ZC4H2: variants seen among roughly 807,000 people sequenced by gnomAD.
ZC4H2 encodes the protein zinc finger C4H2 domain-containing protein.
For missense variants in ZC4H2, 137 were observed against 173.9 expected, an observed-to-expected ratio of 0.79 and a Z score of 1.19; for synonymous variants, 84 against 66.3, an observed-to-expected ratio of 1.27 and a Z score of -1.30.
intron 4 of ZC4H2, chrX:64,918,159 T>C (rs971476343): frequency 2.3e-5 from 6 of 262,666 alleles, no homozygotes; most frequent in Non-Finnish European, 4.0e-5. Context: ...TTCGTCATTA[T>C]AATGAAGCAT....
chrX:64,992,327 G>T (rs183929499), intron 1 of ZC4H2, among the ~76,000 whole-genome samples: 318 of 111,324 alleles, frequency 2.9e-3, no homozygotes, highest in Admixed American at 5.0e-3. Context: ...GGCTCAGATT[G>T]AACATCCCTC....
chrX:64,981,944 T>C (rs988390342), intron 1 of ZC4H2, among the ~76,000 whole-genome samples: 3 of 111,205 alleles, frequency 2.7e-5, no homozygotes, highest in African/African-American at 9.8e-5. Context: ...TTGATGGCTT[T>C]ATGTCATTGA....
At chrX:64,955,653 G>A (rs980288579) in intron 1 of ZC4H2, among the ~76,000 whole-genome samples, 26 of 111,844 alleles carry the variant, frequency 2.3e-4, no homozygotes, top group African/African-American at 8.4e-4. Flanking sequence ...CAAGATCAAA[G>A]ATCAAGACTT....
chrX:65,002,535 G>A (rs759244217), intron 1 of ZC4H2, among the ~76,000 whole-genome samples: 13,179 of 109,603 alleles, frequency 0.12, 1,998 homozygotes, highest in African/African-American at 0.41. Flanking sequence ...CCCTCTGCCC[G>A]GCCGCCACCC....
chrX:65,007,604 C>A (rs753153695), intron 1 of ZC4H2, among the ~76,000 whole-genome samples: 3 of 111,862 alleles, frequency 2.7e-5, no homozygotes, highest in African/African-American at 6.5e-5. Context: ...GCCCTTCAAA[C>A]TTCTTGGAAG....
chrX:65,012,604 G>T (rs1158980980), intron 1 of ZC4H2, among the ~76,000 whole-genome samples: 1 of 112,174 alleles, frequency 8.9e-6, no homozygotes, highest in East Asian at 2.8e-4. Flanking sequence ...CTATCCGAGT[G>T]TGCTTAGCTA....
At chrX:64,920,456 T>C (rs769577692) in intron 2 of ZC4H2, among the ~76,000 whole-genome samples, 10 of 112,144 alleles carry the variant, frequency 8.9e-5, no homozygotes, top group Non-Finnish European at 1.5e-4. Flanking sequence ...GCTTAACTCA[T>C]GCAATCTTGG....
At chrX:64,923,600 C>A (rs1386109621) in intron 1 of ZC4H2, among the ~76,000 whole-genome samples, 1 of 110,309 alleles carries the variant, frequency 9.1e-6, no homozygotes, top group Non-Finnish European at 1.9e-5. Context: ...TGGCACAGAA[C>A]TACAGAAAGA....
chrX:64,933,698 T>G (rs1929858205), intron 1 of ZC4H2, among the ~76,000 whole-genome samples: 2 of 111,360 alleles, frequency 1.8e-5, no homozygotes, highest in Non-Finnish European at 3.8e-5. Context: ...TCTTGGTGTG[T>G]GGGCAAGTTC....
intron 1 of ZC4H2, among the ~76,000 whole-genome samples, chrX:65,032,978 T>C (rs1248695630): frequency 9.0e-6 from 1 of 111,402 alleles, no homozygotes; most frequent in African/African-American, 3.3e-5. Context: ...GATTTTGCCA[T>C]GTTGGCCAGG....
intron 1 of ZC4H2, among the ~76,000 whole-genome samples, chrX:64,962,348 C>G (rs146192765): frequency 9.0e-6 from 1 of 111,317 alleles, no homozygotes; most frequent in East Asian, 2.8e-4. Context: ...AAGCCTTTGA[C>G]AAAATTCAAC....
intron 1 of ZC4H2, among the ~76,000 whole-genome samples, chrX:65,009,894 T>C (rs1204780007): frequency 1.8e-5 from 2 of 112,122 alleles, no homozygotes; most frequent in Non-Finnish European, 3.8e-5. Flanking sequence ...GCCTAACTTG[T>C]TGTCTTGCAC....
intron 1 of ZC4H2, among the ~76,000 whole-genome samples, chrX:64,934,491 C>G (rs1167891812): frequency 1.8e-5 from 2 of 112,104 alleles, no homozygotes; most frequent in Admixed American, 1.9e-4. Context: ...CCTGTGGGGT[C>G]TGCAGCAATA....
rs150911222 is a variant in ZC4H2 at position 64,950,419 on chromosome X, C to T, written c.53+25906G>A. On this transcript the variant is annotated intron_variant, in intron 1 of 4. Coordinates refer to ENST00000374839, the MANE Select transcript of ZC4H2 (RefSeq NM_018684.4). ...GGATATCCTTTTTAACTTTCTGTCT[C>T]GTTGATCTGTCTCATGTTGACAGTG... Among the ~76,000 whole-genome samples the T allele has an allele frequency of 1.4e-4, 16 of 111,315 alleles. No individual in the cohort carries two copies. In the East Asian group the frequency reaches 4.5e-3, roughly 31 times the overall value.
intron 1 of ZC4H2, among the ~76,000 whole-genome samples, chrX:64,964,643 C>T (rs1448325131): frequency 9.0e-6 from 1 of 111,618 alleles, no homozygotes; most frequent in Admixed American, 9.5e-5. Flanking sequence ...CATCAGCAAA[C>T]TTGCACTACC....
intron 1 of ZC4H2, among the ~76,000 whole-genome samples, chrX:64,973,131 G>A (rs1931833622): frequency 9.0e-6 from 1 of 110,806 alleles, no homozygotes; most frequent in South Asian, 3.8e-4. Flanking sequence ...TGTTTGCAAG[G>A]TATTTAGACT....
upstream of ZC4H2, chrX:64,976,464 G>A: frequency 2.0e-6 from 2 of 1,014,430 alleles, no homozygotes; most frequent in South Asian, 1.9e-5. Flanking sequence ...CACCTCCTCC[G>A]GGCTTGGGGC....
intron 1 of ZC4H2, among the ~76,000 whole-genome samples, chrX:65,000,943 A>T (rs748760759): frequency 1.8e-5 from 2 of 111,741 alleles, no homozygotes; most frequent in Non-Finnish European, 3.8e-5. Context: ...ATGTGAAAAG[A>T]CCAAACTTAT....
At chrX:64,947,831 T>C (rs1930610068) in intron 1 of ZC4H2, among the ~76,000 whole-genome samples, 2 of 108,685 alleles carry the variant, frequency 1.8e-5, no homozygotes, top group Admixed American at 1.9e-4. Context: ...TTCCAATTTG[T>C]GTATGTCACT....
Sources: gnomAD v4.1 joint callset for allele counts (sites outside exome capture counted in the v4.1 genomes callset) on GRCh38, gnomAD v4.1.1 for gene constraint, MANE v1.5 for transcripts, NCBI Gene and HGNC (gene_info 2026-07-23, HGNC 2026-07-21) for gene names.